Variants in CX3CR1 observed in about 807,000 individuals in gnomAD.
CX3CR1 encodes the protein CX3C chemokine receptor 1.
For missense variants in CX3CR1, 363 were observed against 432.4 expected (o/e 0.84, Z 1.42); for synonymous variants, 168 against 178.5 (o/e 0.94, Z 0.47).
chr3:39,289,341 T>C, the CX3CR1 span, among the ~76,000 whole-genome samples: 2 of 152,278 alleles, frequency 1.3e-5, no homozygotes, highest in East Asian at 3.9e-4. Flanking sequence ...CTGGGCAGGA[T>C]GTGCCAGGAG....
chr3:39,265,944 A>G lies in CX3CR1; in HGVS notation c.566T>C (p.Val189Ala). 6.2e-7 allele frequency: 1 copy of G among 1,614,230 alleles called. No homozygotes were observed. Residue 189 changes from valine to alanine, a missense_variant, in exon 2 of 2, where the codon GTG (valine) becomes GCG (alanine). Coordinates refer to ENST00000399220, the MANE Select transcript of CX3CR1 (RefSeq NM_001337.4). ...YPEVLQEIWP[V>A]LRNVETNFLG... ...AAAATTTGTTTCCACATTGCGGAGC[A>G]CGGGCCAGATTTCCTGGAGGACCTC...
chr3:39,283,008 C>T (rs928850092), upstream of CX3CR1, among the ~76,000 whole-genome samples: 12 of 152,176 alleles, frequency 7.9e-5, no homozygotes, highest in Admixed American at 2.6e-4. Context: ...CCTCTCACCT[C>T]AGCCTCCCAA....
intron 1 of CX3CR1, among the ~76,000 whole-genome samples, chr3:39,268,061 G>A (rs1280179599): frequency 6.6e-6 from 1 of 152,082 alleles, no homozygotes; most frequent in Non-Finnish European, 1.5e-5. Context: ...GAGTTTCCAC[G>A]CCCCACTACA....
intron 1 of CX3CR1, 130 bp from the exon 2 acceptor site, chr3:39,266,648 T>C (rs778442331): frequency 2.3e-6 from 2 of 876,752 alleles, no homozygotes; most frequent in East Asian, 4.8e-5. Flanking sequence ...ATTTCCCAAC[T>C]TCCCACTTGC....
upstream of CX3CR1, chr3:39,281,820 AC>A: frequency 1.4e-6 from 1 of 717,748 alleles, no homozygotes; most frequent in Non-Finnish European, 2.4e-6. Flanking sequence ...TTCCCAACTC[AC>A]CTGGCTGTCC....
intron 1 of CX3CR1, among the ~76,000 whole-genome samples, chr3:39,272,672 T>C (rs548060820): frequency 3.6e-4 from 55 of 152,220 alleles, no homozygotes; most frequent in Non-Finnish European, 6.8e-4. Context: ...TATGGCTTTT[T>C]AGTAAAAGTG....
chr3:39,267,876 T>G (rs1398829936), intron 1 of CX3CR1, among the ~76,000 whole-genome samples: 2 of 152,240 alleles, frequency 1.3e-5, no homozygotes, highest in African/African-American at 4.8e-5. Context: ...CAGCCAGGAC[T>G]TGCTGCTCAT....
chr3:39,282,664 T>C (rs1559371598), upstream of CX3CR1, among the ~76,000 whole-genome samples: 1 of 151,996 alleles, frequency 6.6e-6, no homozygotes, highest in Non-Finnish European at 1.5e-5. Flanking sequence ...TGAATAAAGC[T>C]TTGTGGGAAT....
chr3:39,283,211 C>T (rs948229075), upstream of CX3CR1, among the ~76,000 whole-genome samples: 1 of 152,102 alleles, frequency 6.6e-6, no homozygotes. Flanking sequence ...TTATTATCCT[C>T]ATCTTATATG....
Position 39,266,505 on chromosome 3 carries a change from T to C in CX3CR1, c.5A>G (p.Asp2Gly), listed in dbSNP as rs1490725718. 6.2e-7 allele frequency: 1 copy of C among 1,613,650 alleles called. No homozygotes were observed. Among genetic ancestry groups the C allele is most frequent in the African/African-American group, 1.3e-5 (1 of 74,916 alleles). The change falls in exon 2 of 2, where the codon GAT (aspartate) becomes GGT (glycine). Residue 2 changes from aspartate (D) to glycine (G), a missense_variant. By Grantham distance (94) the Asp-to-Gly change is moderately conservative. Coordinates refer to ENST00000399220, the MANE Select transcript of CX3CR1 (RefSeq NM_001337.4). ...TTCTGTCACTGATTCAGGGAACTGA[T>C]CCATGGTGAAGGCCTGGATCAGAAA... is the stretch of plus-strand genomic sequence containing the variant. Reference protein sequence around the residue: MDQFPESVTENF... With the variant: MGQFPESVTENF...
At position 39,265,811 on chromosome 3, in the gene CX3CR1, G is replaced by T. The variant is rs1310721972; in HGVS notation, c.699C>A (p.Ile233=). 1 of 1,614,112 alleles carries T rather than the reference G, an allele frequency of 6.2e-7. No individual in the cohort carries two copies. The highest frequency in any genetic ancestry group is 1.7e-5 in the Admixed American group (1 of 60,028). ...NHKKAKAIKL[I]LLVVIVFFLF... ...GGAAAAACACGATGACCACCAGAAG[G>T]ATCAGTTTAATGGCTTTGGCTTTCT... Residue 233 remains isoleucine (I), a synonymous_variant, in exon 2 of 2, where the codon ATC becomes ATA. Transcript: ENST00000399220.
chr3:39,266,622 G>A, intron 1 of CX3CR1, 104 bp from the exon 2 acceptor site: 1 of 1,123,880 alleles, frequency 8.9e-7, no homozygotes, highest in Non-Finnish European at 1.4e-6. Context: ...ACAAATATTG[G>A]TTGGGTGCAC....
chr3:39,275,167 AC>A (rs2040825201), intron 1 of CX3CR1, among the ~76,000 whole-genome samples: 1 of 152,068 alleles, frequency 6.6e-6, no homozygotes, highest in Admixed American at 6.5e-5. Context: ...CACCTAGAAA[AC>A]TTTTACATAC....
upstream of CX3CR1, chr3:39,281,097 T>G: frequency 2.0e-6 from 2 of 994,722 alleles, no homozygotes; most frequent in Non-Finnish European, 2.4e-6. Context: ...CTCCCCACCT[T>G]GCCCCTCCTC....
upstream of CX3CR1, among the ~76,000 whole-genome samples, chr3:39,280,727 C>T (rs36230800): frequency 6.8e-3 from 1,037 of 152,318 alleles, 17 homozygotes; most frequent in African/African-American, 0.024. Flanking sequence ...GCTCCTTTCA[C>T]AGTCTCTCCC....
upstream of CX3CR1, chr3:39,280,982 C>T (rs763856057): frequency 8.2e-6 from 5 of 609,332 alleles, no homozygotes; most frequent in Non-Finnish European, 1.0e-5. Context: ...GTCTGTGACC[C>T]CTTCAAGGCC....
chr3:39,275,979 T>C (rs558029397), intron 1 of CX3CR1, among the ~76,000 whole-genome samples: 1 of 151,182 alleles, frequency 6.6e-6, no homozygotes, highest in African/African-American at 2.4e-5. Flanking sequence ...GGGAAAGTCT[T>C]CCAGGTTGAC....
upstream of CX3CR1, among the ~76,000 whole-genome samples, chr3:39,285,029 G>A (rs1575213669): frequency 1.3e-5 from 2 of 152,188 alleles, no homozygotes; most frequent in East Asian, 3.9e-4. Flanking sequence ...TACCCTAAGA[G>A]GACAAAAGAT....
upstream of CX3CR1, among the ~76,000 whole-genome samples, chr3:39,283,779 C>CAAAA (rs58482042): frequency 2.5e-3 from 104 of 40,996 alleles, 1 homozygote; most frequent in East Asian, 4.1e-3. Context: ...GACTCCATCT[C>CAAAA]AAAAAAAAAA....
Sources: allele counts gnomAD v4.1 joint callset (sites outside exome capture counted in the v4.1 genomes callset), GRCh38; gene constraint gnomAD v4.1.1; transcripts MANE v1.5; gene names NCBI Gene and HGNC (gene_info 2026-07-23, HGNC 2026-07-21).